Variants in TMED5 observed in about 807,000 individuals in gnomAD.
TMED5 encodes transmembrane p24 trafficking protein 5, also known as transmembrane emp24 domain-containing protein 5.
TMED5 carries 27 observed loss-of-function variants against 23.0 expected under a neutral mutation model. That is an observed-to-expected ratio of 1.17 (90% CI 0.86 to 1.62). TMED5 has a LOEUF of 1.62. Ranked by LOEUF, TMED5 falls within the 40% of genes most tolerant of loss-of-function variation. The pLI, the probability that TMED5 is intolerant of heterozygous loss-of-function variation, is 0.00. For synonymous variants in TMED5, 97 were observed against 100.8 expected, an observed-to-expected ratio of 0.96 and a Z score of 0.23; for missense variants, 248 against 273.7, an observed-to-expected ratio of 0.91 and a Z score of 0.66.
chr1:93,156,350 T>C lies in TMED5; in HGVS notation c.421A>G (p.Lys141Glu), dbSNP rs148246622. 7.8e-4 allele frequency: 1,265 copies of C among 1,613,872 alleles called. 5 individuals are homozygous for C. Among genetic ancestry groups the C allele is most frequent in the Non-Finnish European group, 7.4e-4 (874 of 1,179,928 alleles). ...EQAQEQEDWK[K>E]YITGTDILDM... Reference sequence around the variant, plus strand: ...AATATATCTGTGCCAGTAATATATTTCTTCCAATCTTCTTGTTCTTGTGCC... The same window carrying C: ...AATATATCTGTGCCAGTAATATATTCCTTCCAATCTTCTTGTTCTTGTGCC... The change falls in exon 3 of 4, where the codon AAA becomes GAA. Residue 141 changes from lysine (K) to glutamate (E), a missense_variant. Physicochemically the swap from Lys to Glu is moderately conservative, Grantham distance 56. Transcript: ENST00000370282.
At position 93,163,762 on chromosome 1, in the gene TMED5, G is replaced by C. The variant is rs553282252; in HGVS notation, c.190-3536C>G. ...AGGCTGAGGTGGGTGGATCACTTGAGGTGAGGGGTTCAAGACCAGCCTGGG... is the reference window on the plus strand; with the variant it reads ...AGGCTGAGGTGGGTGGATCACTTGACGTGAGGGGTTCAAGACCAGCCTGGG... On this transcript the variant is annotated intron_variant, in intron 1 of 3. Coordinates refer to ENST00000370282, the MANE Select transcript of TMED5 (RefSeq NM_016040.5). Among the ~76,000 whole-genome samples the C allele has an allele frequency of 4.6e-5, 7 of 151,878 alleles. 1 individual carries two copies. The South Asian group carries it at 1.5e-3, about 32-fold the overall frequency.
chr1:93,175,202 A>ATATATATATATATATATATATATATAT (rs1557579120), intron 1 of TMED5, among the ~76,000 whole-genome samples: 1 of 93,728 alleles, frequency 1.1e-5, no homozygotes, highest in African/African-American at 7.8e-5. Context: ...TATATATATA[A>ATATATATATATATATATATATATATAT]ATGGACCTCA....
chr1:93,162,356 G>C (rs891877596), intron 1 of TMED5: 20 of 152,254 alleles, frequency 1.3e-4, no homozygotes, highest in African/African-American at 4.6e-4. Flanking sequence ...CAGCACTTTG[G>C]GAGGCCGAGG....
intron 1 of TMED5, among the ~76,000 whole-genome samples, chr1:93,170,246 C>T (rs1648665298): frequency 6.6e-6 from 1 of 152,188 alleles, no homozygotes; most frequent in Non-Finnish European, 1.5e-5. Flanking sequence ...CCGGCTCCCT[C>T]AGCTTGCCGG....
rs570122389 is a variant in TMED5, at chr1:93,179,939, G to A, written c.189+115C>T. ...CGCGGAGCGGGCTGGCTTCCTGAAC[G>A]GCCCTCGCCTCTTCACCACCAGGGC... On this transcript the variant is annotated intron_variant, in intron 1 of 3. Transcript: ENST00000370282. 3.6e-4 allele frequency: 414 copies of A among 1,161,956 alleles called. 1 individual carries two copies. In the African/African-American group the frequency reaches 5.9e-3, roughly 17 times the overall value. 72.0% of individuals were successfully genotyped at this position (1,161,956 alleles called of 1,614,324 possible).
chr1:93,152,658 G>GAGTAT lies in TMED5; in HGVS notation c.*2011_*2012insATACT, dbSNP rs1647920364. ...ATTCATTGTTAGGTAAGGAGTCAGA[G>GAGTAT]AGTACAGTACAGTAACAGCCATACA... is the stretch of plus-strand genomic sequence containing the variant. On this transcript the variant is annotated 3_prime_UTR_variant, in exon 4 of 4. Coordinates refer to ENST00000370282, the MANE Select transcript of TMED5 (RefSeq NM_016040.5). 1 of 152,632 alleles carries GAGTAT rather than the reference G, an allele frequency of 6.6e-6. No individual in the cohort carries two copies. The highest frequency in any genetic ancestry group is 1.5e-5 in the Non-Finnish European group (1 of 68,004). The allele number at this position is 152,632 out of a possible 1,614,324, so 9.5% of individuals were successfully genotyped here. A position where few individuals can be genotyped will look rare whatever the true frequency, so the allele number is the denominator to read the frequency against.
chr1:93,160,572 A>T (rs532331733), intron 1 of TMED5: 1 of 172,008 alleles, frequency 5.8e-6, no homozygotes, highest in South Asian at 1.5e-4. Flanking sequence ...AAACTTAGGC[A>T]ATTGGCAGGG....
intron 1 of TMED5, among the ~76,000 whole-genome samples, chr1:93,177,402 A>AC (rs1648953663): frequency 6.6e-6 from 1 of 151,986 alleles, no homozygotes; most frequent in Admixed American, 6.6e-5. Flanking sequence ...ACATAGTGAA[A>AC]CCCCGTCTCT....
rs1313929999 is a variant in TMED5 at position 93,156,380 on chromosome 1, C to G, written c.391G>C (p.Glu131Gln). Reference protein sequence around the residue: ...FFELILDNMGEQAQEQEDWKK... With the variant: ...FFELILDNMGQQAQEQEDWKK... ...CAATCTTCTTGTTCTTGTGCCTGTT[C>G]TCCCATATTATCCAGGATTAATTCA... Residue 131 changes from glutamate to glutamine, a missense_variant, in exon 3 of 4, where the codon GAA becomes CAA. Transcript: ENST00000370282. 2.5e-6 allele frequency: 4 copies of G among 1,613,586 alleles called. No homozygotes were observed. The highest frequency in any genetic ancestry group is 1.3e-5 in the African/African-American group (1 of 74,874).
intron 1 of TMED5, chr1:93,160,573 A>G (rs1648233375): frequency 5.8e-6 from 1 of 172,046 alleles, no homozygotes; most frequent in Admixed American, 5.7e-5. Context: ...AACTTAGGCA[A>G]TTGGCAGGGC....
At chr1:93,176,509 A>ACG (rs61697034) in intron 1 of TMED5, among the ~76,000 whole-genome samples, 1 of 18,166 alleles carries the variant, frequency 5.5e-5, no homozygotes, top group African/African-American at 2.0e-4. Flanking sequence ...CACAGACTAT[A>ACG]CACACACACA....
At chr1:93,163,181 A>T (rs1057171651) in intron 1 of TMED5, 12 of 152,012 alleles carry the variant, frequency 7.9e-5, no homozygotes, top group Non-Finnish European at 1.5e-4. Context: ...AAAAACAAAA[A>T]ATATATATAT....
In TMED5 at chr1:93,150,300, AGTTT is replaced by A. The variant is rs1647825762; in HGVS notation, c.*4366_*4369del. ...CATGCAATTTGTTACATGTATCAGT[AGTTT>A]GTTCCTTCATATTACTATTTAGTAT... is the stretch of plus-strand genomic sequence containing the variant. On this transcript the variant is annotated 3_prime_UTR_variant, in exon 4 of 4. Transcript: ENST00000370282. The A allele has an allele frequency of 6.6e-6, 1 of 152,212 alleles. No individual in the cohort carries two copies. The allele number at this position is 152,212 out of a possible 1,614,324, so 9.4% of individuals were successfully genotyped here. A position where few individuals can be genotyped will look rare whatever the true frequency, so the allele number is the denominator to read the frequency against.
chr1:93,155,860 T>C (rs1052775115), intron 3 of TMED5, among the ~76,000 whole-genome samples: 2 of 152,226 alleles, frequency 1.3e-5, no homozygotes, highest in African/African-American at 4.8e-5. Flanking sequence ...AATATTTCCT[T>C]CTTTGTATGT....
intron 1 of TMED5, among the ~76,000 whole-genome samples, chr1:93,175,796 C>T (rs752466221): frequency 2.0e-5 from 3 of 152,142 alleles, no homozygotes; most frequent in Non-Finnish European, 4.4e-5. Flanking sequence ...GTCTGGTTCA[C>T]TCATTCAATA....
chr1:93,177,302 G>A (rs1648948951), intron 1 of TMED5, among the ~76,000 whole-genome samples: 1 of 152,048 alleles, frequency 6.6e-6, no homozygotes, highest in African/African-American at 2.4e-5. Context: ...GTCCCAGCCG[G>A]GCGCGGTGGC....
At chr1:93,175,175 T>TTTTATATATATATA (rs1553160148) in intron 1 of TMED5, among the ~76,000 whole-genome samples, 1 of 119,872 alleles carries the variant, frequency 8.3e-6, no homozygotes, top group African/African-American at 4.0e-5. Flanking sequence ...TAAAAGCCAT[T>TTTTATATATATATA]TATATATATA....
At position 93,150,956 on chromosome 1, in the gene TMED5, C is replaced by G. The variant is rs1189040128; in HGVS notation, c.*3714G>C. The G allele has an allele frequency of 2.6e-5, 4 of 152,290 alleles. No individual in the cohort carries two copies. Among genetic ancestry groups the G allele is most frequent in the African/African-American group, 9.6e-5 (4 of 41,568 alleles). The allele number at this position is 152,290 out of a possible 1,614,324, so 9.4% of individuals were successfully genotyped here. On this transcript the variant is annotated 3_prime_UTR_variant, in exon 4 of 4. Coordinates refer to ENST00000370282, the MANE Select transcript of TMED5 (RefSeq NM_016040.5). ...AACAGAAACAAAAACAACACAAGTA[C>G]TAAAACGAGGGTTTTTGTTTGTAAA...
At chr1:93,168,963 G>T (rs542056215) in intron 1 of TMED5, among the ~76,000 whole-genome samples, 1 of 152,186 alleles carries the variant, frequency 6.6e-6, no homozygotes, top group Non-Finnish European at 1.5e-5. Flanking sequence ...AAAACTGAAA[G>T]AGCCACAAGA....
Sources: gnomAD v4.1 joint callset for allele counts (sites outside exome capture counted in the v4.1 genomes callset) on GRCh38, gnomAD v4.1.1 for gene constraint, MANE v1.5 for transcripts, NCBI Gene and HGNC (gene_info 2026-07-23, HGNC 2026-07-21) for gene names.